The following EPS8 variants were observed in gnomAD, a reference collection of about 807,000 sequenced individuals.
EPS8 encodes the protein epidermal growth factor receptor kinase substrate 8.
EPS8 carries 42 observed loss-of-function variants against 103.8 expected under a neutral mutation model. The ratio of observed to expected loss-of-function variants is 0.40; its 90% CI spans 0.32 to 0.52. The LOEUF (loss-of-function observed/expected upper bound fraction) is 0.52. EPS8 is among the 20% of genes least tolerant of loss of function. EPS8 has a pLI of 0.40. For missense variants in EPS8, 969 were observed against 1,005.1 expected (o/e 0.96, Z 0.49); for synonymous variants, 344 against 344.6 (o/e 1.00, Z 0.02).
rs1947017934 is a variant in EPS8, at chr12:15,759,234, T to C, written c.-22+29927A>G. Among the ~76,000 whole-genome samples the C allele has an allele frequency of 1.3e-5, 2 of 152,254 alleles. No individual in the cohort carries two copies. Among genetic ancestry groups the C allele is most frequent in the South Asian group, 2.1e-4 (1 of 4,832 alleles). On this transcript the variant is annotated intron_variant, in intron 1 of 20. Coordinates refer to ENST00000281172, the MANE Select transcript of EPS8 (RefSeq NM_004447.6). The surrounding 1 kb of genome is among the most constrained non-coding windows in gnomAD (Gnocchi z 4.9). ...AATGCCTCAAAAAACATGTTTTGAT[T>C]AACTGACTAATTTTAAAAGGAACAT...
rs1193022041 is a variant in EPS8, at chr12:15,778,215, A to T, written c.-22+10946T>A. On this transcript the variant is annotated intron_variant, in intron 1 of 20. Transcript: ENST00000281172. The surrounding 1 kb of genome is among the most constrained non-coding windows in gnomAD (Gnocchi z 4.5). ...GCAAATCTGAGAATTAATGCACACG[A>T]AAATCTTCAGAGGGTGATTTTCAAC... is the stretch of plus-strand genomic sequence containing the variant. 6.6e-6 allele frequency among the ~76,000 whole-genome samples: 1 copy of T among 152,218 alleles called. No individual in the cohort carries two copies. Among genetic ancestry groups the T allele is most frequent in the African/African-American group, 2.4e-5 (1 of 41,458 alleles).
rs1946907644 is a variant in EPS8 at position 15,749,355 on chromosome 12, T to C, written c.-22+39806A>G. Among the ~76,000 whole-genome samples the C allele has an allele frequency of 6.6e-6, 1 of 152,184 alleles. No homozygotes were observed. Among genetic ancestry groups the C allele is most frequent in the Non-Finnish European group, 1.5e-5 (1 of 68,030 alleles). On this transcript the variant is annotated intron_variant, in intron 1 of 20. Coordinates refer to ENST00000281172, the MANE Select transcript of EPS8 (RefSeq NM_004447.6). This position sits in a 1 kb window ranked among gnomAD's most constrained non-coding sequence, Gnocchi z 4.0. ...AATTCTTATTTGCTTGTCTATCACT[T>C]ACCCTGCACAGTATACTCAAGAGCA...
At chr12:15,648,092 C>T (rs1461840821) in intron 14 of EPS8, among the ~76,000 whole-genome samples, 3 of 152,236 alleles carry the variant, frequency 2.0e-5, no homozygotes, top group South Asian at 2.1e-4. Context: ...GGCAGTAATG[C>T]TCGCAGGCCT....
At chr12:15,754,988 G>T (rs1021587442) in intron 1 of EPS8, among the ~76,000 whole-genome samples, 21 of 152,224 alleles carry the variant, frequency 1.4e-4, no homozygotes, top group African/African-American at 5.1e-4. Context: ...CCTTGCGACT[G>T]CAAATCAAGA....
chr12:15,636,104 C>T (rs140489803), intron 17 of EPS8, among the ~76,000 whole-genome samples: 20 of 152,138 alleles, frequency 1.3e-4, no homozygotes, highest in African/African-American at 4.8e-4. Flanking sequence ...TTCTAGCAGA[C>T]GAGCAGTCAC....
chr12:15,738,748 T>C lies in EPS8; in HGVS notation c.-22+50413A>G, dbSNP rs1230395630. Among the ~76,000 whole-genome samples the C allele has an allele frequency of 6.6e-6, 1 of 152,212 alleles. No individual in the cohort carries two copies. Among genetic ancestry groups the C allele is most frequent in the Non-Finnish European group, 1.5e-5 (1 of 68,016 alleles). On this transcript the variant is annotated intron_variant, in intron 1 of 20. Coordinates refer to ENST00000281172, the MANE Select transcript of EPS8 (RefSeq NM_004447.6). This position sits in a 1 kb window ranked among gnomAD's most constrained non-coding sequence, Gnocchi z 6.2. ...AAAGGACACAGGCCAACTTGGTTTT[T>C]TTTTTGTAATACCAGCAGCTACAAA...
chr12:15,640,396 G>A (rs1295727103), intron 17 of EPS8, among the ~76,000 whole-genome samples: 1 of 152,124 alleles, frequency 6.6e-6, no homozygotes, highest in Non-Finnish European at 1.5e-5. Flanking sequence ...AGAGCTGTGG[G>A]TAAAAAGACA....
intron 17 of EPS8, 147 bp from the exon 18 acceptor site, chr12:15,631,811 A>G: frequency 1.7e-6 from 1 of 605,348 alleles, no homozygotes; most frequent in Non-Finnish European, 2.9e-6. Flanking sequence ...TATATGGTAT[A>G]ATGACCATTA....
At chr12:15,710,056 G>C (rs968364182) in intron 1 of EPS8, among the ~76,000 whole-genome samples, 1 of 148,642 alleles carries the variant, frequency 6.7e-6, no homozygotes, top group Non-Finnish European at 1.5e-5. Flanking sequence ...TTCCTAAAAG[G>C]CTGCCAACCG....
In EPS8 at chr12:15,760,708, A is replaced by G. The variant is rs1947032497; in HGVS notation, c.-22+28453T>C. ...AATGAAGGACAAAAACCATATAATC[A>G]TATCAATTGATGCCAAAAATGCATT... On this transcript the variant is annotated intron_variant, in intron 1 of 20. Transcript: ENST00000281172. This position sits in a 1 kb window ranked among gnomAD's most constrained non-coding sequence, Gnocchi z 4.5. Among the ~76,000 whole-genome samples, 2 of 152,264 alleles carry G rather than the reference A, an allele frequency of 1.3e-5. No individual in the cohort carries two copies. Among genetic ancestry groups the G allele is most frequent in the South Asian group, 2.1e-4 (1 of 4,828 alleles).
In EPS8 at chr12:15,660,609, C is replaced by T; in HGVS notation, c.937+5G>A. ...GCATTAGAAGATTAAGAAAATCCAA[C>T]TTACCTCCTGGTCCTTTCCTTTTAC... On this transcript the variant is annotated splice_donor_5th_base_variant and intron_variant, in intron 10 of 20. Transcript: ENST00000281172. 1 of 1,367,944 alleles carries T rather than the reference C, an allele frequency of 7.3e-7. No individual in the cohort carries two copies. The highest frequency in any genetic ancestry group is 1.0e-6 in the Non-Finnish European group (1 of 955,892). The allele number at this position is 1,367,944 out of a possible 1,614,324, so 84.7% of individuals were successfully genotyped here. A position where few individuals can be genotyped will look rare whatever the true frequency, so the allele number is the denominator to read the frequency against.
intron 15 of EPS8, among the ~76,000 whole-genome samples, chr12:15,645,312 C>A (rs972230424): frequency 6.6e-6 from 1 of 152,150 alleles, no homozygotes; most frequent in East Asian, 1.9e-4. Context: ...CTAATGTCAG[C>A]CAATGATTAT....
intron 14 of EPS8, among the ~76,000 whole-genome samples, chr12:15,649,962 A>C (rs1263012598): frequency 6.6e-6 from 1 of 152,172 alleles, no homozygotes; most frequent in African/African-American, 2.4e-5. Context: ...TTCAAACTAG[A>C]TCTCATTCAC....
intron 1 of EPS8, among the ~76,000 whole-genome samples, chr12:15,770,490 T>C (rs1170558647): frequency 6.6e-6 from 1 of 152,044 alleles, no homozygotes; most frequent in Non-Finnish European, 1.5e-5. Flanking sequence ...AATACAAAAA[T>C]CTTGAAAATT....
At chr12:15,788,876 A>T (rs955914780) in intron 1 of EPS8, among the ~76,000 whole-genome samples, 2 of 152,262 alleles carry the variant, frequency 1.3e-5, no homozygotes, top group South Asian at 4.1e-4. Context: ...GTTACCATGA[A>T]TATCACTGGG....
rs928667368 is a variant in EPS8, at chr12:15,779,683, T to C, written c.-22+9478A>G. ...GGACTTGAAAAATGTTTCTCCCTCATTTAAGTACAAACTTCTCTTCCTTCT... is the reference window on the plus strand; with the variant it reads ...GGACTTGAAAAATGTTTCTCCCTCACTTAAGTACAAACTTCTCTTCCTTCT... On this transcript the variant is annotated intron_variant, in intron 1 of 20. Transcript: ENST00000281172. The surrounding 1 kb of genome is among the most constrained non-coding windows in gnomAD (Gnocchi z 4.3). Among the ~76,000 whole-genome samples the C allele has an allele frequency of 6.6e-6, 1 of 152,206 alleles. No individual in the cohort carries two copies. The highest frequency in any genetic ancestry group is 1.5e-5 in the Non-Finnish European group (1 of 68,030).
At chr12:15,673,510 C>T (rs1945851803) in intron 3 of EPS8, among the ~76,000 whole-genome samples, 1 of 152,010 alleles carries the variant, frequency 6.6e-6, no homozygotes, top group South Asian at 2.1e-4. Flanking sequence ...TCACCAAAGC[C>T]TTAAAACAGT....
At position 15,747,304 on chromosome 12, in the gene EPS8, T is replaced by A. The variant is rs1248973484; in HGVS notation, c.-22+41857A>T. On this transcript the variant is annotated intron_variant, in intron 1 of 20. Transcript: ENST00000281172. The surrounding 1 kb of genome is among the most constrained non-coding windows in gnomAD (Gnocchi z 4.4). ...GGTTCTTTTAAGTGCATGGTCTAAT[T>A]TATTAATGGTAAGCTGAAGTGGATA... 1.3e-5 allele frequency among the ~76,000 whole-genome samples: 2 copies of A among 152,168 alleles called. No homozygotes were observed. The highest frequency in any genetic ancestry group is 2.9e-5 in the Non-Finnish European group (2 of 68,038).
chr12:15,657,616 A>C (rs965193497), intron 12 of EPS8, among the ~76,000 whole-genome samples: 1 of 152,224 alleles, frequency 6.6e-6, no homozygotes, highest in Non-Finnish European at 1.5e-5. Flanking sequence ...ACCAGTGCAT[A>C]AATGAATAAA....
Sources: allele counts gnomAD v4.1 joint callset (sites outside exome capture counted in the v4.1 genomes callset), GRCh38; gene constraint gnomAD v4.1.1; non-coding constraint Gnocchi (gnomAD v3.1); transcripts MANE v1.5; gene names NCBI Gene and HGNC (gene_info 2026-07-23, HGNC 2026-07-21).